WDR41: variants seen among roughly 807,000 people sequenced by gnomAD.
The protein encoded by WDR41 is WD repeat-containing protein 41.
WDR41 carries 63 observed loss-of-function variants against 69.3 expected under a neutral mutation model. The observed-to-expected ratio is 0.91, with a 90% CI of 0.74 to 1.12. The LOEUF (loss-of-function observed/expected upper bound fraction) is 1.12, where lower values mean the gene tolerates loss of function less well. Ranked by LOEUF, WDR41 falls within the 50% of genes most tolerant of loss-of-function variation. The pLI is 0.00. For synonymous variants in WDR41, 185 were observed against 192.1 expected (o/e 0.96, Z 0.31); for missense variants, 543 against 534.5 (o/e 1.02, Z -0.16).
At chr5:77,469,822 A>G (rs1299490732) in intron 2 of WDR41, among the ~76,000 whole-genome samples, 1 of 152,184 alleles carries the variant, frequency 6.6e-6, no homozygotes, top group Non-Finnish European at 1.5e-5. Context: ...TGAAAGTGAC[A>G]GGGAGAATGG....
chr5:77,542,876 A>C (rs947337348), intron 1 of WDR41, among the ~76,000 whole-genome samples: 1 of 152,102 alleles, frequency 6.6e-6, no homozygotes, highest in African/African-American at 2.4e-5. Flanking sequence ...GGACCGGCAG[A>C]CCCCCTGATG....
At chr5:77,599,950 C>T (rs1329845113) in intron 1 of WDR41, among the ~76,000 whole-genome samples, 2 of 152,210 alleles carry the variant, frequency 1.3e-5, no homozygotes, top group Non-Finnish European at 1.5e-5. Flanking sequence ...AAGACAAGTT[C>T]ATCGAGAAAC....
intron 1 of WDR41, chr5:77,540,532 C>T (rs914026552): frequency 4.6e-5 from 7 of 152,070 alleles, no homozygotes; most frequent in African/African-American, 9.7e-5. Flanking sequence ...GGTGAAACTC[C>T]GTCTCTATAA....
intron 2 of WDR41, among the ~76,000 whole-genome samples, chr5:77,469,799 T>G: frequency 6.6e-6 from 1 of 152,122 alleles, no homozygotes; most frequent in Admixed American, 6.5e-5. Flanking sequence ...AATCTACGTC[T>G]GATTGGTGTA....
At chr5:77,474,626 A>C (rs1478122683) in intron 2 of WDR41, among the ~76,000 whole-genome samples, 1 of 152,166 alleles carries the variant, frequency 6.6e-6, no homozygotes, top group Admixed American at 6.5e-5. Flanking sequence ...TCTTTTCCTT[A>C]AAAAAGAATG....
At chr5:77,489,374 T>C (rs1801664101) in intron 2 of WDR41, 83 bp downstream of exon 2, 3 of 726,680 alleles carry the variant, frequency 4.1e-6, no homozygotes, top group African/African-American at 1.8e-5. Context: ...AGAAAAGATG[T>C]ATTAATTTTA....
At chr5:77,461,301 G>C (rs1031764012) in intron 4 of WDR41, among the ~76,000 whole-genome samples, 1 of 152,142 alleles carries the variant, frequency 6.6e-6, no homozygotes, top group African/African-American at 2.4e-5. Flanking sequence ...ATATATGTGT[G>C]TATGTATATA....
intron 1 of WDR41, among the ~76,000 whole-genome samples, chr5:77,593,863 AACAG>A (rs1215151245): frequency 1.3e-5 from 2 of 152,192 alleles, no homozygotes; most frequent in African/African-American, 4.8e-5. Context: ...TTGGCATTCA[AACAG>A]ACAATTAGAG....
chr5:77,482,283 C>T (rs2169140), intron 2 of WDR41, among the ~76,000 whole-genome samples: 9,880 of 152,138 alleles, frequency 0.065, 579 homozygotes, highest in African/African-American at 0.15. Flanking sequence ...TTACATCACA[C>T]CTAAGTTAAC....
intron 1 of WDR41, among the ~76,000 whole-genome samples, chr5:77,603,859 C>A (rs1389819934): frequency 1.3e-5 from 2 of 152,072 alleles, no homozygotes; most frequent in South Asian, 4.1e-4. Flanking sequence ...GTTTCTGGCA[C>A]CCTTGTCAAA....
chr5:77,577,152 G>A (rs1216535916), intron 1 of WDR41, among the ~76,000 whole-genome samples: 1 of 152,084 alleles, frequency 6.6e-6, no homozygotes, highest in Admixed American at 6.6e-5. Context: ...AAAAAATTGT[G>A]TTGGGCAAGC....
At chr5:77,539,596 G>A (rs1010607656) in intron 1 of WDR41, among the ~76,000 whole-genome samples, 1 of 152,158 alleles carries the variant, frequency 6.6e-6, no homozygotes, top group Non-Finnish European at 1.5e-5. Flanking sequence ...CTGGTTAAGA[G>A]CAAGTCTGGG....
At chr5:77,566,956 A>G (rs1421379459) in intron 1 of WDR41, among the ~76,000 whole-genome samples, 1 of 152,178 alleles carries the variant, frequency 6.6e-6, no homozygotes, top group Non-Finnish European at 1.5e-5. Context: ...ATGGGAAAAA[A>G]TATGTTCCAA....
chr5:77,566,723 AG>A (rs1343937689), intron 1 of WDR41, among the ~76,000 whole-genome samples: 1 of 152,170 alleles, frequency 6.6e-6, no homozygotes, highest in Non-Finnish European at 1.5e-5. Context: ...TGTTTATGTC[AG>A]GATAATAAGT....
intron 1 of WDR41, among the ~76,000 whole-genome samples, chr5:77,514,159 C>A (rs1398364590): frequency 6.6e-6 from 1 of 152,064 alleles, no homozygotes; most frequent in Non-Finnish European, 1.5e-5. Context: ...AATTTTACCA[C>A]CTTTTAAATC....
At chr5:77,537,961 T>C (rs749776499) in intron 1 of WDR41, among the ~76,000 whole-genome samples, 1 of 152,122 alleles carries the variant, frequency 6.6e-6, no homozygotes, top group Non-Finnish European at 1.5e-5. Flanking sequence ...TATATAAACA[T>C]ATGGGGTACA....
At chr5:77,536,350 T>C (rs1401533372) in intron 1 of WDR41, among the ~76,000 whole-genome samples, 1 of 151,334 alleles carries the variant, frequency 6.6e-6, no homozygotes, top group African/African-American at 2.4e-5. Flanking sequence ...ATAAAAGAGA[T>C]AAAAACTACC....
At chr5:77,457,281 A>T (rs1799872376) in intron 5 of WDR41, among the ~76,000 whole-genome samples, 1 of 152,082 alleles carries the variant, frequency 6.6e-6, no homozygotes, top group Non-Finnish European at 1.5e-5. Flanking sequence ...TTCTTTTTAG[A>T]TGTTGCTGAA....
In WDR41 at chr5:77,611,936, A is replaced by G. The variant is rs368400038; in HGVS notation, c.42+8543T>C. Among the ~76,000 whole-genome samples the G allele has an allele frequency of 3.9e-5, 6 of 152,200 alleles. No individual in the cohort carries two copies. The South Asian group carries it at 1.2e-3, about 32-fold the overall frequency. ...AAAAAGAGAGAAGAATCAAATAGAC[A>G]CAATAAAAAATGAAAAAGGGGATAT... is the stretch of plus-strand genomic sequence containing the variant. On this transcript the variant is annotated intron_variant, in intron 1 of 5. Transcript: ENST00000509971.
Sources: gnomAD v4.1 joint callset for allele counts (sites outside exome capture counted in the v4.1 genomes callset) on GRCh38, gnomAD v4.1.1 for gene constraint, MANE v1.5 for transcripts, NCBI Gene and HGNC (gene_info 2026-07-23, HGNC 2026-07-21) for gene names.